The following RYR3 variants were observed in gnomAD, a reference collection of about 807,000 sequenced individuals.
RYR3 encodes brain ryanodine receptor-calcium release channel.
Under a neutral mutation model 584.3 loss-of-function variants are expected in RYR3, and 207 were observed. The observed-to-expected ratio is 0.35, with a 90% CI of 0.32 to 0.40. RYR3 has a LOEUF of 0.40. Among genes scored for constraint, RYR3 ranks in the 10% least tolerant of loss-of-function variants. The probability of loss-of-function intolerance (pLI) is 1.00; values close to 1 mark genes in which losing one functional copy is unlikely to be tolerated. For missense variants in RYR3, 5,616 were observed against 6,089.2 expected, an observed-to-expected ratio of 0.92 and a Z score of 2.59; for synonymous variants, 2,416 against 2,248.5, an observed-to-expected ratio of 1.07 and a Z score of -2.11.
intron 63 of RYR3, 94 bp from the exon 64 acceptor site, chr15:33,773,440 T>C: frequency 1.2e-6 from 1 of 843,136 alleles, no homozygotes. Flanking sequence ...TCTTTTACTC[T>C]TTACTGATGC....
chr15:33,383,390 A>G (rs2041345087), intron 1 of RYR3, among the ~76,000 whole-genome samples: 1 of 151,196 alleles, frequency 6.6e-6, no homozygotes, highest in Non-Finnish European at 1.5e-5. Context: ...GATATGTCAT[A>G]TTTGTGGTAC....
intron 19 of RYR3, among the ~76,000 whole-genome samples, chr15:33,618,925 C>G (rs917621857): frequency 6.6e-6 from 1 of 152,110 alleles, no homozygotes; most frequent in African/African-American, 2.4e-5. Context: ...AATTAACAAG[C>G]AAAAATGCAC....
At chr15:33,370,810 G>T (rs1178577250) in intron 1 of RYR3, among the ~76,000 whole-genome samples, 2 of 152,074 alleles carry the variant, frequency 1.3e-5, no homozygotes, top group Non-Finnish European at 2.9e-5. Context: ...AGGGAAGACA[G>T]ACATAAGGAA....
intron 10 of RYR3, among the ~76,000 whole-genome samples, chr15:33,555,622 A>T (rs1309243158): frequency 9.2e-5 from 14 of 151,950 alleles, no homozygotes; most frequent in African/African-American, 2.2e-4. Context: ...ATAGAGATTT[A>T]AAAAAAAGTA....
At chr15:33,338,811 TG>T (rs1477382403) in intron 1 of RYR3, among the ~76,000 whole-genome samples, 3 of 152,210 alleles carry the variant, frequency 2.0e-5, no homozygotes. Flanking sequence ...TGCAACAATG[TG>T]GGCAAATTTC....
At chr15:33,678,148 C>T (rs918681926) in intron 38 of RYR3, among the ~76,000 whole-genome samples, 3 of 152,100 alleles carry the variant, frequency 2.0e-5, no homozygotes, top group South Asian at 2.1e-4. Context: ...AATAAAGAGT[C>T]GGACACAGGA....
intron 44 of RYR3, 52 bp from the exon 45 acceptor site, chr15:33,724,013 A>T: frequency 1.0e-6 from 1 of 952,712 alleles, no homozygotes. Flanking sequence ...GTCTCGCAGC[A>T]TGGCAGTGCC....
chr15:33,537,808 A>C (rs1023363590), intron 5 of RYR3, among the ~76,000 whole-genome samples: 3 of 152,112 alleles, frequency 2.0e-5, no homozygotes, highest in African/African-American at 7.2e-5. Context: ...CAATCTGGAA[A>C]TGCTCATTTT....
Position 33,810,626 on chromosome 15 carries a change from C to T in RYR3, c.10174C>T (p.Leu3392Phe), listed in dbSNP as rs1024556759. Reference protein sequence around the residue: ...CTPGDQELISLAKSRYSHRDT... With the variant: ...CTPGDQELISFAKSRYSHRDT... ...TCCAGGCGACCAGGAGCTGATCTCC[C>T]TCGCAAAATCGCGATACAGCCATGT... Residue 3392 changes from leucine (L) to phenylalanine (F), a missense_variant, in exon 71 of 104, where the codon CTC (leucine) becomes TTC (phenylalanine). Transcript: ENST00000634891. The T allele has an allele frequency of 8.1e-6, 13 of 1,613,918 alleles. No homozygotes were observed. The Admixed American group carries it at 1.7e-4, about 21-fold the overall frequency.
intron 43 of RYR3, among the ~76,000 whole-genome samples, chr15:33,718,925 G>T (rs933372697): frequency 1.3e-5 from 2 of 152,132 alleles, no homozygotes; most frequent in African/African-American, 4.8e-5. Flanking sequence ...AAGCCCTTGG[G>T]CAAAACTAGT....
chr15:33,794,550 C>A (rs1037920591), intron 67 of RYR3, among the ~76,000 whole-genome samples: 1 of 151,640 alleles, frequency 6.6e-6, no homozygotes, highest in Admixed American at 6.6e-5. Flanking sequence ...CCTGGAATAG[C>A]TCTTTAATTG....
In RYR3 at chr15:33,390,934, C is replaced by A. The variant is rs1460828702; in HGVS notation, c.51+79838C>A. 6.6e-6 allele frequency among the ~76,000 whole-genome samples: 1 copy of A among 152,128 alleles called. No individual in the cohort carries two copies. Among genetic ancestry groups the A allele is most frequent in the African/African-American group, 2.4e-5 (1 of 41,446 alleles). On this transcript the variant is annotated intron_variant, in intron 1 of 103. Transcript: ENST00000634891. The surrounding 1 kb of genome is among the most constrained non-coding windows in gnomAD (Gnocchi z 4.2). ...ACAGGAGGGAATGGGTATAAGGAAGCCTGGCATTGATTTCTCTGCCTGTGT... is the reference window on the plus strand; with the variant it reads ...ACAGGAGGGAATGGGTATAAGGAAGACTGGCATTGATTTCTCTGCCTGTGT...
At chr15:33,848,496 C>T (rs922960026) in intron 94 of RYR3, 75 bp downstream of exon 94, 19 of 1,491,694 alleles carry the variant, frequency 1.3e-5, no homozygotes, top group South Asian at 8.1e-5. Context: ...TTCCTCCTGG[C>T]CTTAAAACTG....
intron 1 of RYR3, among the ~76,000 whole-genome samples, chr15:33,454,689 C>T (rs2047402147): frequency 1.3e-5 from 2 of 152,134 alleles, no homozygotes; most frequent in Admixed American, 1.3e-4. Context: ...GTATATGATG[C>T]AAGCCTGAGA....
At chr15:33,667,474 C>T (rs999598133) in intron 36 of RYR3, among the ~76,000 whole-genome samples, 2 of 152,126 alleles carry the variant, frequency 1.3e-5, no homozygotes, top group Non-Finnish European at 2.9e-5. Flanking sequence ...TTTTTCATGT[C>T]ACATTACAGT....
intron 32 of RYR3, among the ~76,000 whole-genome samples, chr15:33,656,911 G>A (rs1424869072): frequency 6.6e-6 from 1 of 152,090 alleles, no homozygotes; most frequent in Admixed American, 6.6e-5. Context: ...ATTTGAAAAG[G>A]CCAACAAGGT....
At chr15:33,653,035 A>G (rs913152955) in intron 32 of RYR3, among the ~76,000 whole-genome samples, 152 bp downstream of exon 32, 1 of 152,214 alleles carries the variant, frequency 6.6e-6, no homozygotes, top group Admixed American at 6.5e-5. Flanking sequence ...CAAATAAACA[A>G]CAACAAAGTT....
chr15:33,312,479 T>G (rs1248069252), intron 1 of RYR3, among the ~76,000 whole-genome samples: 1 of 152,150 alleles, frequency 6.6e-6, no homozygotes, highest in East Asian at 1.9e-4. Context: ...GACTCCATTC[T>G]CATCTCTCAC....
In RYR3 at chr15:33,466,580, T is replaced by G. The variant is rs185567965; in HGVS notation, c.52-6839T>G. Among the ~76,000 whole-genome samples the G allele has an allele frequency of 7.1e-3, 1,076 of 152,316 alleles. 7 individuals are homozygous for G. The highest frequency in any genetic ancestry group is 0.011 in the Non-Finnish European group (752 of 68,008). Reference sequence around the variant, plus strand: ...ACATTGTTGCTGGAGATACAATGTCTGAGAGGTGGACACTGGACGAGTTAT... The same window carrying G: ...ACATTGTTGCTGGAGATACAATGTCGGAGAGGTGGACACTGGACGAGTTAT... On this transcript the variant is annotated intron_variant, in intron 1 of 103. Coordinates refer to ENST00000634891, the MANE Select transcript of RYR3 (RefSeq NM_001036.6).
Sources: gnomAD v4.1 joint callset for allele counts (sites outside exome capture counted in the v4.1 genomes callset) on GRCh38, gnomAD v4.1.1 for gene constraint, Gnocchi (gnomAD v3.1) non-coding constraint, MANE v1.5 for transcripts, NCBI Gene and HGNC (gene_info 2026-07-23, HGNC 2026-07-21) for gene names.